The following MARCHF7 variants were observed in gnomAD, a reference collection of about 807,000 sequenced individuals.
MARCHF7 encodes the protein E3 ubiquitin-protein ligase MARCHF7.
Under a neutral mutation model 76.5 loss-of-function variants are expected in MARCHF7, and 20 were observed. The ratio of observed to expected loss-of-function variants is 0.26; its 90% CI spans 0.18 to 0.38. The LOEUF (loss-of-function observed/expected upper bound fraction) is 0.38, where lower values mean the gene tolerates loss of function less well. MARCHF7 is among the 10% of genes least tolerant of loss of function. The pLI, the probability that MARCHF7 is intolerant of heterozygous loss-of-function variation, is 1.00. For synonymous variants in MARCHF7, 295 were observed against 293.0 expected, an observed-to-expected ratio of 1.01 and a Z score of -0.07; for missense variants, 797 against 812.9, an observed-to-expected ratio of 0.98 and a Z score of 0.24.
At chr2:159,750,796 A>AT (rs572910539) in intron 7 of MARCHF7, among the ~76,000 whole-genome samples, 73 of 150,238 alleles carry the variant, frequency 4.9e-4, no homozygotes, top group East Asian at 1.4e-3. Flanking sequence ...ATGTTGTGGG[A>AT]TTTTTTTTTT....
At chr2:159,729,199 T>C in intron 4 of MARCHF7, 24 bp downstream of exon 4, 1 of 1,549,202 alleles carries the variant, frequency 6.5e-7, no homozygotes, top group Non-Finnish European at 8.7e-7. Context: ...TTGGAATATA[T>C]GTATACAGCC....
intron 8 of MARCHF7, among the ~76,000 whole-genome samples, chr2:159,753,709 T>G (rs1351241644): frequency 6.6e-6 from 1 of 152,072 alleles, no homozygotes; most frequent in Non-Finnish European, 1.5e-5. Flanking sequence ...GAGAATGGAT[T>G]TTTAGGGGGA....
intron 11 of MARCHF7, among the ~76,000 whole-genome samples, chr2:159,765,497 A>G (rs1310499142): frequency 6.6e-6 from 1 of 151,550 alleles, no homozygotes; most frequent in African/African-American, 2.4e-5. Flanking sequence ...TTACTTTTTC[A>G]CCCTTTGTTG....
chr2:159,753,201 T>C (rs1383274743), intron 8 of MARCHF7, among the ~76,000 whole-genome samples: 2 of 152,146 alleles, frequency 1.3e-5, no homozygotes, highest in Non-Finnish European at 2.9e-5. Context: ...GGGAATCAAC[T>C]TAGGTCTATT....
In MARCHF7 at chr2:159,726,640, T is replaced by C. The variant is rs115206888; in HGVS notation, c.-14-2369T>C. Among the ~76,000 whole-genome samples the C allele has an allele frequency of 4.9e-3, 749 of 152,298 alleles. 1 individual carries two copies. Among genetic ancestry groups the C allele is most frequent in the Non-Finnish European group, 8.5e-3 (580 of 68,022 alleles). On this transcript the variant is annotated intron_variant, in intron 3 of 11. Transcript: ENST00000409175. ...CCAACCTGTTGTTATTTTTTTGTGA[T>C]AAAATACAGAGAACATAAAATTTTA...
At chr2:159,725,837 C>T (rs1702099741) in intron 3 of MARCHF7, among the ~76,000 whole-genome samples, 2 of 152,134 alleles carry the variant, frequency 1.3e-5, no homozygotes, top group Non-Finnish European at 2.9e-5. Context: ...TGACTAGCAG[C>T]CTTTGTTGTA....
At chr2:159,744,026 C>T (rs1280167979) in intron 5 of MARCHF7, among the ~76,000 whole-genome samples, 4 of 118,824 alleles carry the variant, frequency 3.4e-5, no homozygotes, top group Non-Finnish European at 5.0e-5. Context: ...CTCGCTCTGT[C>T]GCCCAGGCTG....
chr2:159,762,778 C>T (rs1259374618), intron 9 of MARCHF7, 102 bp from the exon 10 acceptor site: 1 of 519,598 alleles, frequency 1.9e-6, no homozygotes, highest in Non-Finnish European at 3.4e-6. Context: ...GATATGAATA[C>T]ATTTCCTCTA....
rs183472063 is a variant in MARCHF7, at chr2:159,764,747, A to G, written c.2056+73A>G. On this transcript the variant is annotated intron_variant, in intron 11 of 11. Coordinates refer to ENST00000409175, the MANE Select transcript of MARCHF7 (RefSeq NM_001282805.2). ...ATTAAACCCAAAGCAAAACCTAAGT[A>G]TATACTCTGTTCTGCCAAATTAGAG... The G allele has an allele frequency of 2.6e-4, 315 of 1,198,340 alleles. 1 individual carries two copies. In the African/African-American group the frequency reaches 4.5e-3, roughly 17 times the overall value. 74.2% of individuals were successfully genotyped at this position (1,198,340 alleles called of 1,614,324 possible).
At chr2:159,719,381 C>G (rs1574182826) in intron 3 of MARCHF7, among the ~76,000 whole-genome samples, 1 of 151,912 alleles carries the variant, frequency 6.6e-6, no homozygotes, top group Admixed American at 6.6e-5. Flanking sequence ...TCCTTGACCA[C>G]CCCCCACCAC....
At chr2:159,760,565 A>G (rs937508340) in intron 9 of MARCHF7, among the ~76,000 whole-genome samples, 1 of 152,234 alleles carries the variant, frequency 6.6e-6, no homozygotes, top group Non-Finnish European at 1.5e-5. Context: ...ACCAGGGGAA[A>G]CATGGAAAAG....
intron 11 of MARCHF7, 74 bp from the exon 12 acceptor site, chr2:159,767,210 C>T: frequency 3.8e-6 from 4 of 1,050,056 alleles, no homozygotes; most frequent in Non-Finnish European, 5.8e-6. Flanking sequence ...CATTGCTGTT[C>T]TGGCTTCATA....
At chr2:159,758,415 G>T (rs1220933249) in intron 8 of MARCHF7, among the ~76,000 whole-genome samples, 2 of 152,092 alleles carry the variant, frequency 1.3e-5, no homozygotes, top group African/African-American at 4.8e-5. Flanking sequence ...TCACAGTGTT[G>T]TGCAACCATC....
At chr2:159,751,880 G>C (rs759546661) in intron 7 of MARCHF7, among the ~76,000 whole-genome samples, 23 of 152,126 alleles carry the variant, frequency 1.5e-4, no homozygotes, top group Non-Finnish European at 2.8e-4. Flanking sequence ...AAGTTTATCA[G>C]TTTAAACATG....
rs1252741264 is a variant in MARCHF7, at chr2:159,748,577, T to G, written c.1287T>G (p.Asn429Lys). Residue 429 changes from asparagine to lysine, a missense_variant, in exon 7 of 12, where the codon AAT (asparagine) becomes AAG (lysine). This residue lies in a region of MARCHF7 where 643 missense variants were observed against 631.5 expected (regional missense o/e 1.02). Coordinates refer to ENST00000409175, the MANE Select transcript of MARCHF7 (RefSeq NM_001282805.2). ...CTCATATTTTTAGAAGAGAATCAAA[T>G]GAAGTGGTTCACCTTGAAGCACAGA... ...SRSHIFRRES[N>K]EVVHLEAQND... The G allele has an allele frequency of 1.9e-6, 3 of 1,614,058 alleles. No homozygotes were observed. In the African/African-American group the frequency reaches 4.0e-5, roughly 22 times the overall value.
At chr2:159,723,282 C>T (rs1242602369) in intron 3 of MARCHF7, among the ~76,000 whole-genome samples, 5 of 152,026 alleles carry the variant, frequency 3.3e-5, no homozygotes, top group Non-Finnish European at 7.4e-5. Context: ...TGTAAAAAGC[C>T]GATGGTAGAA....
At chr2:159,715,032 T>C (rs1388817200) in intron 2 of MARCHF7, among the ~76,000 whole-genome samples, 1 of 152,252 alleles carries the variant, frequency 6.6e-6, no homozygotes, top group Non-Finnish European at 1.5e-5. Flanking sequence ...ATCCTTCTGT[T>C]ACCACAGATA....
intron 8 of MARCHF7, among the ~76,000 whole-genome samples, chr2:159,758,170 T>C (rs1706566771): frequency 6.6e-6 from 1 of 152,150 alleles, no homozygotes; most frequent in African/African-American, 2.4e-5. Context: ...CATTTTCCCA[T>C]TTGAAACCCT....
intron 4 of MARCHF7, among the ~76,000 whole-genome samples, chr2:159,735,086 T>C (rs912132667): frequency 6.6e-6 from 1 of 152,206 alleles, no homozygotes; most frequent in Non-Finnish European, 1.5e-5. Flanking sequence ...GGTGTGGAGA[T>C]GGGTACTCTC....
Sources: allele counts gnomAD v4.1 joint callset (sites outside exome capture counted in the v4.1 genomes callset), GRCh38; gene constraint gnomAD v4.1.1; regional missense constraint gnomAD v4.1.1; transcripts MANE v1.5; gene names NCBI Gene and HGNC (gene_info 2026-07-23, HGNC 2026-07-21).